The following RBFOX1 variants were observed in gnomAD, a reference collection of about 807,000 sequenced individuals.
RBFOX1 encodes RNA binding protein fox-1 homolog 1.
In RBFOX1, 8 loss-of-function variants were observed where a neutral mutation model predicts 57.7. The ratio of observed to expected loss-of-function variants is 0.14; its 90% confidence interval spans 0.08 to 0.25. RBFOX1 has a LOEUF of 0.25. RBFOX1 is among the 10% of genes least tolerant of loss of function. The probability of loss-of-function intolerance (pLI) is 1.00; values close to 1 mark genes in which losing one functional copy is unlikely to be tolerated. For synonymous variants in RBFOX1, 326 were observed against 222.4 expected (o/e 1.47, Z -4.15); for missense variants, 611 against 548.5 (o/e 1.11, Z -1.14).
At chr16:6,643,854 G>T (rs934447735) in intron 2 of RBFOX1, among the ~76,000 whole-genome samples, 6 of 151,942 alleles carry the variant, frequency 3.9e-5, no homozygotes, top group Admixed American at 6.6e-5. Context: ...GGCTGAGCAC[G>T]CTGGGTCATG....
At chr16:7,543,591 T>C (rs2083538165) in intron 5 of RBFOX1, among the ~76,000 whole-genome samples, 1 of 152,042 alleles carries the variant, frequency 6.6e-6, no homozygotes, top group Non-Finnish European at 1.5e-5. Context: ...TTAGGCATAT[T>C]AAAATTGAGA....
At chr16:6,712,313 C>T (rs1011226915) in intron 3 of RBFOX1, among the ~76,000 whole-genome samples, 1 of 152,110 alleles carries the variant, frequency 6.6e-6, no homozygotes, top group Non-Finnish European at 1.5e-5. Flanking sequence ...TCTGGGTCTG[C>T]CAAATACCCA....
chr16:5,521,941 A>C (rs2044037055), intron 2 of RBFOX1, among the ~76,000 whole-genome samples: 1 of 152,202 alleles, frequency 6.6e-6, no homozygotes, highest in African/African-American at 2.4e-5. Flanking sequence ...GAGGAGTCAG[A>C]TTACAGAGGA....
chr16:6,078,711 G>A (rs114719554), intron 1 of RBFOX1, among the ~76,000 whole-genome samples: 2,214 of 152,260 alleles, frequency 0.015, 57 homozygotes, highest in African/African-American at 0.051. Context: ...ACGTAGCAAG[G>A]GTACCACAAA....
intron 3 of RBFOX1, among the ~76,000 whole-genome samples, chr16:6,898,098 C>T (rs1474081566): frequency 1.3e-5 from 2 of 152,122 alleles, no homozygotes; most frequent in African/African-American, 2.4e-5. Context: ...TGAGGTGAAC[C>T]GAGTAAATTC....
At chr16:6,746,803 T>G (rs9939317) in intron 3 of RBFOX1, among the ~76,000 whole-genome samples, 76,543 of 152,016 alleles carry the variant, frequency 0.5, 19,496 homozygotes, top group East Asian at 0.59. Context: ...TAAGCCAAAG[T>G]TTGCTAGTGA....
At chr16:7,418,782 C>CTCTATCTCTATG (rs1555883844) in intron 4 of RBFOX1, among the ~76,000 whole-genome samples, 16 of 150,222 alleles carry the variant, frequency 1.1e-4, no homozygotes, top group African/African-American at 3.6e-4. Flanking sequence ...GTGTCTCTAT[C>CTCTATCTCTATG]TCTGTCTTTC....
At chr16:6,362,931 A>G (rs1322649139) in intron 2 of RBFOX1, among the ~76,000 whole-genome samples, 1 of 152,172 alleles carries the variant, frequency 6.6e-6, no homozygotes, top group Non-Finnish European at 1.5e-5. Context: ...TAAGTGTGTG[A>G]TACATGAGCA....
intron 4 of RBFOX1, among the ~76,000 whole-genome samples, chr16:7,100,649 G>C (rs1205423341): frequency 1.4e-5 from 2 of 139,330 alleles, no homozygotes; most frequent in Non-Finnish European, 3.0e-5. Flanking sequence ...GGTTTTTCTT[G>C]ACATAGCCTG....
chr16:5,333,137 G>A (rs1012043550), intron 1 of RBFOX1, among the ~76,000 whole-genome samples: 4 of 151,922 alleles, frequency 2.6e-5, no homozygotes, highest in Non-Finnish European at 4.4e-5. Context: ...GCAGTGAGCC[G>A]AGATCATGCT....
At position 5,800,654 on chromosome 16, in the gene RBFOX1, G is replaced by A. The variant is rs922124528; in HGVS notation, c.319-66649G>A. Among the ~76,000 whole-genome samples the A allele has an allele frequency of 2.6e-5, 4 of 152,278 alleles. No individual in the cohort carries two copies. In the East Asian group the frequency reaches 7.7e-4, roughly 29 times the overall value. On this transcript the variant is annotated intron_variant, in intron 3 of 19. Coordinates refer to the RBFOX1 transcript ENST00000641259. ...TTAGTGGCCTATTACCTAGTTTCACGGTGACACTGGGGATAAATTGGAGGA... is the reference window on the plus strand; with the variant it reads ...TTAGTGGCCTATTACCTAGTTTCACAGTGACACTGGGGATAAATTGGAGGA...
chr16:5,918,346 C>T (rs1247418738), intron 4 of RBFOX1, among the ~76,000 whole-genome samples: 1 of 152,218 alleles, frequency 6.6e-6, no homozygotes, highest in Non-Finnish European at 1.5e-5. Context: ...TCTCGAACTT[C>T]TGACCTCAGG....
intron 1 of RBFOX1, among the ~76,000 whole-genome samples, chr16:5,269,301 T>G (rs569365427): frequency 6.6e-6 from 1 of 152,286 alleles, no homozygotes; most frequent in Non-Finnish European, 1.5e-5. Context: ...TCCCTGATGA[T>G]GAATTTCATT....
chr16:5,345,409 G>A (rs546119924), intron 1 of RBFOX1, among the ~76,000 whole-genome samples: 20 of 152,194 alleles, frequency 1.3e-4, no homozygotes, highest in Admixed American at 7.9e-4. Context: ...TAAAGCCCTC[G>A]TGCATGCCCA....
chr16:6,619,833 AT>A (rs944944290), intron 2 of RBFOX1, among the ~76,000 whole-genome samples: 9 of 151,132 alleles, frequency 6.0e-5, no homozygotes, highest in African/African-American at 1.9e-4. Context: ...CCCATTAGTT[AT>A]TTTTCCTGAT....
chr16:5,894,948 G>A (rs527431875), intron 4 of RBFOX1, among the ~76,000 whole-genome samples: 9 of 152,190 alleles, frequency 5.9e-5, no homozygotes, highest in Non-Finnish European at 1.2e-4. Context: ...GCATGAACCC[G>A]GGAGGCAGAG....
downstream of RBFOX1, among the ~76,000 whole-genome samples, chr16:5,605,079 C>T (rs28396966): frequency 3.5e-3 from 537 of 152,292 alleles, 2 homozygotes; most frequent in African/African-American, 0.012. Flanking sequence ...TCAGGTTTGA[C>T]GCCAGTTTGA....
chr16:7,593,723 G>C (rs557617908), intron 7 of RBFOX1, among the ~76,000 whole-genome samples: 1 of 151,854 alleles, frequency 6.6e-6, no homozygotes, highest in South Asian at 2.1e-4. Flanking sequence ...TGTATATATA[G>C]AGGGCTGATT....
intron 3 of RBFOX1, among the ~76,000 whole-genome samples, chr16:5,856,204 T>TATAC (rs1293516593): frequency 6.7e-5 from 3 of 44,884 alleles, no homozygotes; most frequent in Non-Finnish European, 1.5e-4. Flanking sequence ...TATATATATA[T>TATAC]ATACATATAT....
Sources: gnomAD v4.1 joint callset for allele counts (sites outside exome capture counted in the v4.1 genomes callset) on GRCh38, gnomAD v4.1.1 for gene constraint, MANE v1.5 for transcripts, NCBI Gene and HGNC (gene_info 2026-07-23, HGNC 2026-07-21) for gene names.